The following EXT1 variants were observed in gnomAD, a reference collection of about 807,000 sequenced individuals.
EXT1 encodes exostosin glycosyltransferase 1.
Under a neutral mutation model 82.5 loss-of-function variants are expected in EXT1, and 20 were observed. The observed-to-expected ratio is 0.24, with a 90% CI of 0.17 to 0.35. The LOEUF is 0.35. EXT1 is among the 10% of genes least tolerant of loss of function. EXT1 has a pLI of 1.00. For missense variants in EXT1, 757 were observed against 936.5 expected, an observed-to-expected ratio of 0.81 and a Z score of 2.50; for synonymous variants, 348 against 350.8, an observed-to-expected ratio of 0.99 and a Z score of 0.09.
chr8:117,799,703 C>T lies in EXT1; in HGVS notation c.*9G>A, dbSNP rs2129679195. On this transcript the variant is annotated 3_prime_UTR_variant, in exon 11 of 11. Transcript: ENST00000378204. ...TTCTTGCTTCCCCTCCCCCACTCAGCCGGATTCCTCAAAGTCGCTCAATGT... is the reference window on the plus strand; with the variant it reads ...TTCTTGCTTCCCCTCCCCCACTCAGTCGGATTCCTCAAAGTCGCTCAATGT... The T allele has an allele frequency of 6.2e-7, 1 of 1,613,970 alleles. No individual in the cohort carries two copies. The highest frequency in any genetic ancestry group is 8.5e-7 in the Non-Finnish European group (1 of 1,179,966).
chr8:117,892,942 G>A (rs1357617714), intron 1 of EXT1, among the ~76,000 whole-genome samples: 1 of 152,226 alleles, frequency 6.6e-6, no homozygotes, highest in Non-Finnish European at 1.5e-5. Flanking sequence ...ACATATTGGG[G>A]AGGGTGAAGA....
rs574676330 is a variant in EXT1, at chr8:117,838,847, G to A, written c.963-1646C>T. Among the ~76,000 whole-genome samples, 11 of 152,066 alleles carry A rather than the reference G, an allele frequency of 7.2e-5. No individual in the cohort carries two copies. In the East Asian group the frequency reaches 1.7e-3, roughly 24 times the overall value. Reference sequence around the variant, plus strand: ...GATTTTTTTTTAATACAGAAAGGTCGAATATACTTCAGACTACAGCAAGGT... The same window carrying A: ...GATTTTTTTTTAATACAGAAAGGTCAAATATACTTCAGACTACAGCAAGGT... On this transcript the variant is annotated intron_variant, in intron 1 of 10. Transcript: ENST00000378204.
rs1305323658 is a variant in EXT1, at chr8:117,812,882, G to A, written c.1712C>T (p.Ser571Leu). 3 of 1,613,908 alleles carry A rather than the reference G, an allele frequency of 1.9e-6. No individual in the cohort carries two copies. Among genetic ancestry groups the A allele is most frequent in the Non-Finnish European group, 2.5e-6 (3 of 1,179,988 alleles). ...GGCATGGGTTCTTACCTCTGTTGTT[G>A]AAAGCACCGTGTCCTCGTCAAGGCT... ...VLSLDEDTVL[S>L]TTEVDFAFTV... Residue 571 changes from serine (S) to leucine (L), a missense_variant, in exon 8 of 11, where the codon TCA (serine) becomes TTA (leucine). Physicochemically the swap from Ser to Leu is moderately radical, Grantham distance 145 (BLOSUM62 -2). Around this residue, in one of 4 missense-constraint regions of EXT1, gnomAD observed 207 missense variants for 224.2 expected, o/e 0.92. Coordinates refer to ENST00000378204, the MANE Select transcript of EXT1 (RefSeq NM_000127.3).
At chr8:117,839,583 A>G (rs1328383818) in intron 1 of EXT1, among the ~76,000 whole-genome samples, 2 of 152,342 alleles carry the variant, frequency 1.3e-5, no homozygotes, top group East Asian at 3.9e-4. Context: ...TCAGATTTCT[A>G]TGCATGCTCA....
intron 4 of EXT1, among the ~76,000 whole-genome samples, chr8:117,824,058 G>A (rs750025339): frequency 2.0e-5 from 3 of 152,140 alleles, no homozygotes; most frequent in East Asian, 1.9e-4. Context: ...CTTTCCAAAC[G>A]TACTGTCTAT....
intron 1 of EXT1, among the ~76,000 whole-genome samples, chr8:117,919,802 C>A (rs1345538370): frequency 1.3e-5 from 2 of 152,114 alleles, no homozygotes; most frequent in Non-Finnish European, 2.9e-5. Context: ...CCACACCTGA[C>A]CAAGAGCTAA....
At chr8:117,982,772 G>A (rs1176170835) in intron 1 of EXT1, among the ~76,000 whole-genome samples, 3 of 152,072 alleles carry the variant, frequency 2.0e-5, no homozygotes, top group Non-Finnish European at 2.9e-5. Flanking sequence ...GATTACAGGC[G>A]TGAGCCACCA....
At chr8:117,834,493 T>A (rs1812152203) in intron 3 of EXT1, among the ~76,000 whole-genome samples, 1 of 152,004 alleles carries the variant, frequency 6.6e-6, no homozygotes, top group African/African-American at 2.4e-5. Flanking sequence ...TATTCCCAGC[T>A]CCTCGGGAGG....
At chr8:117,971,890 C>T (rs1814948190) in intron 1 of EXT1, among the ~76,000 whole-genome samples, 1 of 152,154 alleles carries the variant, frequency 6.6e-6, no homozygotes, top group African/African-American at 2.4e-5. Context: ...GTGGCTCACG[C>T]CTGTAATCCC....
chr8:117,978,299 C>T (rs1815110772), intron 1 of EXT1, among the ~76,000 whole-genome samples: 1 of 152,154 alleles, frequency 6.6e-6, no homozygotes, highest in African/African-American at 2.4e-5. Context: ...TAACTAAAAC[C>T]ACATTGTTAC....
chr8:118,066,993 G>A (rs1406065228), intron 1 of EXT1, among the ~76,000 whole-genome samples: 7 of 152,178 alleles, frequency 4.6e-5, no homozygotes, highest in Non-Finnish European at 1.0e-4. Context: ...AAGTCAAATG[G>A]GGAATAGACA....
At position 118,111,101 on chromosome 8, in the gene EXT1, C is replaced by T; in HGVS notation, c.-55G>A. The T allele has an allele frequency of 6.5e-7, 1 of 1,540,458 alleles. No homozygotes were observed. Among genetic ancestry groups the T allele is most frequent in the South Asian group, 1.2e-5 (1 of 84,518 alleles). On this transcript the variant is annotated 5_prime_UTR_variant, in exon 1 of 11. Transcript: ENST00000378204. The stretch of plus-strand genomic sequence containing the variant: ...ATAAACACAAGAATCACCCAAGTTT[C>T]CCAATCAACACTTTCAGCTCCAGTC...
chr8:118,025,371 T>C (rs1359849560), intron 1 of EXT1, among the ~76,000 whole-genome samples: 4 of 152,110 alleles, frequency 2.6e-5, no homozygotes, highest in African/African-American at 4.8e-5. Flanking sequence ...AGCCAAAGAA[T>C]GTTGGCTCAT....
intron 1 of EXT1, among the ~76,000 whole-genome samples, chr8:118,057,204 T>C (rs778747286): frequency 9.2e-5 from 14 of 152,186 alleles, no homozygotes; most frequent in Non-Finnish European, 1.5e-4. Flanking sequence ...TCCATTCTTA[T>C]GTTCTACACC....
At chr8:117,985,539 C>G (rs1009161604) in intron 1 of EXT1, among the ~76,000 whole-genome samples, 1 of 152,048 alleles carries the variant, frequency 6.6e-6, no homozygotes. Flanking sequence ...ACCACTGTGT[C>G]TACATGTTCA....
chr8:117,858,805 CAAGGCAGG>C (rs1812622541), intron 1 of EXT1, among the ~76,000 whole-genome samples: 3 of 66,728 alleles, frequency 4.5e-5, no homozygotes, highest in African/African-American at 1.7e-4. Flanking sequence ...CAAGGCAAGG[CAAGGCAGG>C]AAGGAAGGAA....
intron 1 of EXT1, among the ~76,000 whole-genome samples, chr8:117,980,714 T>G (rs56291290): frequency 0.32 from 18,711 of 58,956 alleles, 1,699 homozygotes; most frequent in African/African-American, 0.46. Flanking sequence ...TTTTTTTTTT[T>G]TTTTTTTTTT....
At chr8:117,951,332 T>A (rs1586304987) in intron 1 of EXT1, among the ~76,000 whole-genome samples, 1 of 152,248 alleles carries the variant, frequency 6.6e-6, no homozygotes, top group African/African-American at 2.4e-5. Flanking sequence ...AAAGTGAGAA[T>A]ATAGGTTCAG....
chr8:117,897,591 C>CTCTCTTTTTT (rs775608794), intron 1 of EXT1, among the ~76,000 whole-genome samples: 1 of 90,656 alleles, frequency 1.1e-5, no homozygotes, highest in African/African-American at 4.4e-5. Context: ...CTTCTTTTCT[C>CTCTCTTTTTT]TTTTTTTTTT....
Sources: allele counts gnomAD v4.1 joint callset (sites outside exome capture counted in the v4.1 genomes callset), GRCh38; gene constraint gnomAD v4.1.1; regional missense constraint gnomAD v4.1.1; transcripts MANE v1.5; gene names NCBI Gene and HGNC (gene_info 2026-07-23, HGNC 2026-07-21).